The following UGT2B10 variants were observed in gnomAD, a reference collection of about 807,000 sequenced individuals.
The protein encoded by UGT2B10 is UDP-glucuronosyltransferase 2B10.
In UGT2B10, 51 loss-of-function variants were observed where a neutral mutation model predicts 43.7. That is an observed-to-expected ratio of 1.17 (90% CI 0.93 to 1.47). The LOEUF (loss-of-function observed/expected upper bound fraction) is 1.47, where lower values mean the gene tolerates loss of function less well. UGT2B10 is among the 40% of genes most tolerant of loss of function. The pLI is 0.00. For synonymous variants in UGT2B10, 225 were observed against 209.0 expected (o/e 1.08, Z -0.66); for missense variants, 696 against 617.7 (o/e 1.13, Z -1.34).
At position 68,822,320 on chromosome 4, in the gene UGT2B10, T is replaced by C; in HGVS notation, c.917T>C (p.Phe306Ser). 1 of 1,613,578 alleles carries C rather than the reference T, an allele frequency of 6.2e-7. No individual in the cohort carries two copies. The highest frequency in any genetic ancestry group is 1.1e-5 in the South Asian group (1 of 91,052). ...QSSGENGVVV[F>S]SLGSMVSNMT... Reference sequence around the variant, plus strand: ...TCTGGAGAAAATGGTGTTGTGGTGTTTTCTCTGGGGTCAATGGTCAGTAAC... The same window carrying C: ...TCTGGAGAAAATGGTGTTGTGGTGTCTTCTCTGGGGTCAATGGTCAGTAAC... Residue 306 changes from phenylalanine to serine, a missense_variant, in exon 3 of 6, where the codon TTT becomes TCT. By Grantham distance (155) the Phe-to-Ser change is radical. Coordinates refer to ENST00000265403, the MANE Select transcript of UGT2B10 (RefSeq NM_001075.6).
chr4:68,823,048 G>A (rs1192914161), intron 3 of UGT2B10, among the ~76,000 whole-genome samples: 2 of 152,040 alleles, frequency 1.3e-5, no homozygotes, highest in African/African-American at 4.8e-5. Flanking sequence ...GAAATATGTG[G>A]CAACAAATAG....
intron 2 of UGT2B10, among the ~76,000 whole-genome samples, chr4:68,821,155 C>T (rs1167041403): frequency 6.6e-6 from 1 of 152,184 alleles, no homozygotes; most frequent in Non-Finnish European, 1.5e-5. Flanking sequence ...GCACAGTTTA[C>T]ACTTAGACAC....
At position 68,816,563 on chromosome 4, in the gene UGT2B10, C is replaced by T. The variant is rs2109681680; in HGVS notation, c.544C>T (p.His182Tyr). The T allele has an allele frequency of 6.2e-7, 1 of 1,613,100 alleles. No individual in the cohort carries two copies. The highest frequency in any genetic ancestry group is 8.5e-7 in the Non-Finnish European group (1 of 1,179,370). ...SFSPGYSFER[H>Y]SGGFIFPPSY... ...CAGTCCTGGCTACTCATTTGAAAGG[C>T]ACAGTGGAGGATTTATTTTCCCTCC... The change falls in exon 1 of 6, where the codon CAC (histidine) becomes TAC (tyrosine). Residue 182 changes from histidine to tyrosine, a missense_variant. Coordinates refer to ENST00000265403, the MANE Select transcript of UGT2B10 (RefSeq NM_001075.6).
At chr4:68,823,537 T>C (rs1314711832) in intron 3 of UGT2B10, among the ~76,000 whole-genome samples, 1 of 152,092 alleles carries the variant, frequency 6.6e-6, no homozygotes, top group East Asian at 1.9e-4. Context: ...CTAGAGACTC[T>C]ACTGTAGTAT....
At chr4:68,825,952 A>G (rs1017767238) in intron 3 of UGT2B10, among the ~76,000 whole-genome samples, 2 of 152,000 alleles carry the variant, frequency 1.3e-5, no homozygotes, top group African/African-American at 4.8e-5. Context: ...TTACATTCCA[A>G]CCAACAGAGT....
At chr4:68,821,811 C>T (rs563265644) in intron 2 of UGT2B10, among the ~76,000 whole-genome samples, 246 of 152,198 alleles carry the variant, frequency 1.6e-3, no homozygotes, top group Non-Finnish European at 2.7e-3. Context: ...GGAAGTAAAC[C>T]ACTAATGGCT....
chr4:68,825,996 A>C (rs1737752771), intron 3 of UGT2B10, among the ~76,000 whole-genome samples: 1 of 152,024 alleles, frequency 6.6e-6, no homozygotes, highest in Non-Finnish European at 1.5e-5. Context: ...CCTCGCCAAC[A>C]TCATGATATT....
Position 68,816,625 on chromosome 4 carries a change from T to C in UGT2B10, c.606T>C (p.Asp202=). The C allele has an allele frequency of 2.5e-6, 4 of 1,612,944 alleles. No homozygotes were observed. Among genetic ancestry groups the C allele is most frequent in the Non-Finnish European group, 3.4e-6 (4 of 1,179,280 alleles). ...YVPVVMSKLS[D]QMTFMERVKN... ...CTGTTGTTATGTCAAAATTAAGTGA[T>C]CAAATGACTTTCATGGAGAGGGTAA... The change falls in exon 1 of 6, where the codon GAT becomes GAC. Residue 202 remains aspartate, a synonymous_variant. Transcript: ENST00000265403.
rs1738119086 is a variant in UGT2B10 at position 68,832,000 on chromosome 4, T to C, written c.*1121T>C. Among the ~76,000 whole-genome samples the C allele has an allele frequency of 6.6e-6, 1 of 151,992 alleles. No individual in the cohort carries two copies. The highest frequency in any genetic ancestry group is 6.6e-5 in the Admixed American group (1 of 15,228). ...CTCTTATGAATAACAAATTTATCCT[T>C]AATAAAGTCTCTATACTAAAGAAGA... On this transcript the variant is annotated 3_prime_UTR_variant, in exon 6 of 6. Transcript: ENST00000265403.
At chr4:68,816,914 G>A (rs1039893311) in intron 1 of UGT2B10, among the ~76,000 whole-genome samples, 177 bp downstream of exon 1, 2 of 151,716 alleles carry the variant, frequency 1.3e-5, no homozygotes, top group African/African-American at 4.8e-5. Context: ...AAATTATAGG[G>A]TCAGTGAAAA....
rs1415156523 is a variant in UGT2B10, at chr4:68,822,256, T to G, written c.868-15T>G. On this transcript the variant is annotated splice_polypyrimidine_tract_variant and intron_variant, in intron 2 of 5. Transcript: ENST00000265403. ...ATACTCTTTTATGATGAAACATTTT[T>G]TCTTTTTCCCACAGGAAATGGAGGA... The G allele has an allele frequency of 5.6e-6, 9 of 1,608,958 alleles. No individual in the cohort carries two copies. Among genetic ancestry groups the G allele is most frequent in the Non-Finnish European group, 7.6e-6 (9 of 1,179,070 alleles).
rs771508573 is a variant in UGT2B10, at chr4:68,827,482, T to A, written c.1241T>A (p.Val414Glu). The change falls in exon 5 of 6, where the codon GTG becomes GAG. Residue 414 changes from valine (V) to glutamate (E), a missense_variant. Transcript: ENST00000265403. The part of the protein sequence containing the change: ...HMKAKGAAVR[V>E]DFNTMSSTDL... ...AAGGCCAAGGGAGCAGCTGTTAGAG[T>A]GGACTTCAACACAATGTCGAGTACA... 11 of 1,613,480 alleles carry A rather than the reference T, an allele frequency of 6.8e-6. No individual in the cohort carries two copies. In the South Asian group the frequency reaches 1.2e-4, roughly 18 times the overall value.
intron 1 of UGT2B10, among the ~76,000 whole-genome samples, chr4:68,816,975 T>C (rs1168387233): frequency 6.6e-6 from 1 of 151,858 alleles, no homozygotes; most frequent in Non-Finnish European, 1.5e-5. Context: ...TAAACCTATA[T>C]ATTAGTACAC....
intron 3 of UGT2B10, 125 bp downstream of exon 3, chr4:68,822,527 G>T: frequency 2.6e-6 from 4 of 1,564,264 alleles, no homozygotes; most frequent in Non-Finnish European, 2.6e-6. Flanking sequence ...CCTTAAATAT[G>T]CTTGTATAGC....
chr4:68,821,476 A>G (rs999692527), intron 2 of UGT2B10, among the ~76,000 whole-genome samples: 17 of 152,148 alleles, frequency 1.1e-4, no homozygotes, highest in African/African-American at 4.1e-4. Context: ...CATCAATTTA[A>G]CAGTGTGATT....
chr4:68,830,920 A>G lies in UGT2B10; in HGVS notation c.*41A>G, dbSNP rs17146905. 147,334 of 1,586,828 alleles carry G rather than the reference A, an allele frequency of 0.093. 7,394 individuals carry two copies. The highest frequency in any genetic ancestry group is 0.19 in the East Asian group (8,378 of 44,466). ...GAAGCTGGAAAACCTGATAGATAGG[A>G]ATACTTCAGTTGATTCCAGCAATAA... On this transcript the variant is annotated 3_prime_UTR_variant, in exon 6 of 6. Transcript: ENST00000265403.
At chr4:68,829,934 T>G (rs1236457908) in intron 5 of UGT2B10, among the ~76,000 whole-genome samples, 1 of 152,042 alleles carries the variant, frequency 6.6e-6, no homozygotes, top group Non-Finnish European at 1.5e-5. Flanking sequence ...TAATCTCACT[T>G]TAGTTGCAAA....
chr4:68,819,462 C>T (rs1737386740), intron 2 of UGT2B10, among the ~76,000 whole-genome samples: 1 of 151,966 alleles, frequency 6.6e-6, no homozygotes, highest in African/African-American at 2.4e-5. Flanking sequence ...CAGCTTAAAA[C>T]ACTTCCTCAA....
chr4:68,825,672 A>G (rs1009167058), intron 3 of UGT2B10, among the ~76,000 whole-genome samples: 9 of 152,010 alleles, frequency 5.9e-5, no homozygotes, highest in African/African-American at 1.2e-4. Context: ...ACATATTTTT[A>G]TTCTTTTTAT....
Sources: allele counts gnomAD v4.1 joint callset (sites outside exome capture counted in the v4.1 genomes callset), GRCh38; gene constraint gnomAD v4.1.1; transcripts MANE v1.5; gene names NCBI Gene and HGNC (gene_info 2026-07-23, HGNC 2026-07-21).